Variants in AGBL1 observed in about 807,000 individuals in gnomAD.
AGBL1 encodes the protein cytosolic carboxypeptidase 4.
Under a neutral mutation model 118.9 loss-of-function variants are expected in AGBL1, and 130 were observed. The observed-to-expected ratio is 1.09, with a 90% CI of 0.95 to 1.26. The LOEUF (loss-of-function observed/expected upper bound fraction) is 1.26. AGBL1 is among the 50% of genes most tolerant of loss of function. The pLI, the probability that AGBL1 is intolerant of heterozygous loss-of-function variation, is 0.00. For synonymous variants in AGBL1, 555 were observed against 478.9 expected (o/e 1.16, Z -2.08); for missense variants, 1,584 against 1,298.1 (o/e 1.22, Z -3.38).
intron 24 of AGBL1, among the ~76,000 whole-genome samples, chr15:86,997,215 G>C (rs1341874981): frequency 6.6e-6 from 1 of 152,070 alleles, no homozygotes; most frequent in Non-Finnish European, 1.5e-5. Context: ...GAGTCTAACT[G>C]TGCATGCCGG....
intron 22 of AGBL1, among the ~76,000 whole-genome samples, chr15:86,713,101 C>A (rs1401165797): frequency 1.3e-5 from 2 of 152,150 alleles, no homozygotes; most frequent in Non-Finnish European, 2.9e-5. Flanking sequence ...CATTACTGGA[C>A]CCTACACTCC....
At chr15:86,526,638 T>A (rs748706114) in intron 19 of AGBL1, among the ~76,000 whole-genome samples, 122 of 149,032 alleles carry the variant, frequency 8.2e-4, no homozygotes, top group Non-Finnish European at 1.2e-3. Context: ...TATATATATT[T>A]ATACACAGAT....
intron 21 of AGBL1, among the ~76,000 whole-genome samples, chr15:86,640,102 G>A (rs2085166715): frequency 1.3e-5 from 2 of 151,992 alleles, no homozygotes; most frequent in East Asian, 1.9e-4. Flanking sequence ...GTTACTATCA[G>A]CACCATCATC....
At chr15:86,263,387 A>G (rs2079024114) in intron 10 of AGBL1, among the ~76,000 whole-genome samples, 2 of 152,184 alleles carry the variant, frequency 1.3e-5, no homozygotes, top group African/African-American at 2.4e-5. Context: ...GTGTAAGCAC[A>G]CCCTATGATG....
chr15:86,560,515 A>G (rs1343170574), intron 21 of AGBL1, among the ~76,000 whole-genome samples: 1 of 152,168 alleles, frequency 6.6e-6, no homozygotes, highest in East Asian at 1.9e-4. Context: ...TATATGTGCC[A>G]CATTTTCTTA....
chr15:86,833,186 G>T (rs1365364828), intron 22 of AGBL1, among the ~76,000 whole-genome samples: 1 of 152,080 alleles, frequency 6.6e-6, no homozygotes, highest in Non-Finnish European at 1.5e-5. Context: ...ATGAGATTTG[G>T]GTGGGACCCA....
intron 21 of AGBL1, among the ~76,000 whole-genome samples, chr15:86,574,864 C>A (rs972923885): frequency 6.6e-6 from 1 of 151,848 alleles, no homozygotes; most frequent in African/African-American, 2.4e-5. Context: ...AGATGTGAGC[C>A]ACTGCACCTG....
At chr15:86,841,617 G>A (rs926857540) in intron 22 of AGBL1, among the ~76,000 whole-genome samples, 6 of 152,236 alleles carry the variant, frequency 3.9e-5, no homozygotes, top group African/African-American at 1.4e-4. Flanking sequence ...AGGCCGAGGT[G>A]GGTGAATCAT....
At chr15:86,575,113 T>C (rs1260090291) in intron 21 of AGBL1, among the ~76,000 whole-genome samples, 2 of 151,964 alleles carry the variant, frequency 1.3e-5, no homozygotes, top group Non-Finnish European at 2.9e-5. Flanking sequence ...CGCTTGAACC[T>C]GGGAGGTGGA....
At chr15:86,418,401 C>G (rs2081732242) in intron 18 of AGBL1, among the ~76,000 whole-genome samples, 1 of 152,154 alleles carries the variant, frequency 6.6e-6, no homozygotes, top group Non-Finnish European at 1.5e-5. Flanking sequence ...ATCTAATAAC[C>G]TGTCAAAGTG....
chr15:86,332,561 G>C lies in AGBL1; in HGVS notation c.2374+37153G>C, dbSNP rs373675240. ...CTCAGGAGACTGAGGCAGGAGAATGGCGTGAACCCAGGAGGTGGAGCTTGC... is the reference window on the plus strand; with the variant it reads ...CTCAGGAGACTGAGGCAGGAGAATGCCGTGAACCCAGGAGGTGGAGCTTGC... On this transcript the variant is annotated intron_variant, in intron 17 of 22. Transcript: ENST00000614907. Among the ~76,000 whole-genome samples, 5 of 151,786 alleles carry C rather than the reference G, an allele frequency of 3.3e-5. No individual in the cohort carries two copies. The East Asian group carries it at 9.7e-4, about 30-fold the overall frequency.
At chr15:86,740,402 A>G (rs2077660734) in intron 22 of AGBL1, among the ~76,000 whole-genome samples, 1 of 152,116 alleles carries the variant, frequency 6.6e-6, no homozygotes, top group Admixed American at 6.6e-5. Context: ...TCTTGACATA[A>G]AATTGTTGCC....
chr15:86,489,520 G>C (rs889347010), intron 18 of AGBL1, among the ~76,000 whole-genome samples: 5 of 152,126 alleles, frequency 3.3e-5, no homozygotes, highest in African/African-American at 1.2e-4. Context: ...ACCAGAAGGA[G>C]CAATGGCATA....
At chr15:86,183,046 A>C (rs2141799949) in intron 5 of AGBL1, among the ~76,000 whole-genome samples, 1 of 152,314 alleles carries the variant, frequency 6.6e-6, no homozygotes, top group East Asian at 1.9e-4. Context: ...CTAAGGAGGA[A>C]GGTAATCAAA....
At chr15:86,855,413 AT>A (rs1350746360) in intron 22 of AGBL1, among the ~76,000 whole-genome samples, 1 of 152,174 alleles carries the variant, frequency 6.6e-6, no homozygotes, top group African/African-American at 2.4e-5. Flanking sequence ...CTTGAATGAT[AT>A]GTGTGGGTCT....
In AGBL1 at chr15:86,635,939, A is replaced by G. The variant is rs115296338; in HGVS notation, c.2995-38334A>G. Among the ~76,000 whole-genome samples, 481 of 152,276 alleles carry G rather than the reference A, an allele frequency of 3.2e-3. 1 individual carries two copies. The highest frequency in any genetic ancestry group is 9.3e-3 in the African/African-American group (387 of 41,552). ...TGGGTGAGTCAGCACAGTTGGAGAT[A>G]GGAGAGTTATTAGAAGCTCTAATGG... is the stretch of plus-strand genomic sequence containing the variant. On this transcript the variant is annotated intron_variant, in intron 21 of 22. Coordinates refer to ENST00000614907, the MANE Select transcript of AGBL1 (RefSeq NM_001386094.1).
intron 22 of AGBL1, among the ~76,000 whole-genome samples, chr15:86,796,235 G>A (rs1470647942): frequency 6.6e-6 from 1 of 152,170 alleles, no homozygotes; most frequent in Non-Finnish European, 1.5e-5. Flanking sequence ...ACTGGGAAAA[G>A]TGAAGAGATG....
At chr15:86,712,717 C>G (rs2086580015) in intron 22 of AGBL1, among the ~76,000 whole-genome samples, 1 of 152,088 alleles carries the variant, frequency 6.6e-6, no homozygotes, top group Admixed American at 6.5e-5. Context: ...TTGTAAGGTG[C>G]TGATTGGAAC....
At chr15:86,917,572 A>G (rs906250763), downstream of AGBL1, among the ~76,000 whole-genome samples, 2 of 152,212 alleles carry the variant, frequency 1.3e-5, no homozygotes, top group African/African-American at 4.8e-5. This position sits in a 1 kb window ranked among gnomAD's most constrained non-coding sequence, Gnocchi z 4.8. Flanking sequence ...AAGTAAACAT[A>G]TGCGGATCAC....
Sources: gnomAD v4.1 joint callset for allele counts (sites outside exome capture counted in the v4.1 genomes callset) on GRCh38, gnomAD v4.1.1 for gene constraint, Gnocchi (gnomAD v3.1) non-coding constraint, MANE v1.5 for transcripts, NCBI Gene and HGNC (gene_info 2026-07-23, HGNC 2026-07-21) for gene names.